Variants in PDE1A observed in about 807,000 individuals in gnomAD.
The protein encoded by PDE1A is phosphodiesterase 1A.
Under a neutral mutation model 61.7 loss-of-function variants are expected in PDE1A, and 35 were observed. That is an observed-to-expected ratio of 0.57 (90% CI 0.43 to 0.75). PDE1A has a LOEUF of 0.75. Ranked by LOEUF, PDE1A falls within the 30% of genes least tolerant of loss-of-function variation. The probability of loss-of-function intolerance (pLI) is 0.00; values close to 1 mark genes in which losing one functional copy is unlikely to be tolerated. For synonymous variants in PDE1A, 232 were observed against 213.2 expected, an observed-to-expected ratio of 1.09 and a Z score of -0.77; for missense variants, 597 against 630.6, an observed-to-expected ratio of 0.95 and a Z score of 0.57.
At chr2:182,210,027 A>G (rs1687451784) in intron 7 of PDE1A, among the ~76,000 whole-genome samples, 1 of 150,422 alleles carries the variant, frequency 6.6e-6, no homozygotes. Flanking sequence ...ACCACAGTTT[A>G]TTTATTCAGT....
At chr2:182,256,044 T>C (rs1463208891) in intron 2 of PDE1A, among the ~76,000 whole-genome samples, 2 of 150,122 alleles carry the variant, frequency 1.3e-5, no homozygotes, top group Non-Finnish European at 3.0e-5. Flanking sequence ...ACTTCTTTTT[T>C]TTTTTTTTTT....
chr2:182,202,625 CCAT>C (rs1257517657), intron 8 of PDE1A, among the ~76,000 whole-genome samples: 1 of 152,128 alleles, frequency 6.6e-6, no homozygotes, highest in Admixed American at 6.6e-5. Context: ...TGCCAAGCTT[CCAT>C]CATAAGAACC....
chr2:182,186,427 C>A, intron 12 of PDE1A, 41 bp downstream of exon 12: 1 of 1,599,226 alleles, frequency 6.3e-7, no homozygotes, highest in Non-Finnish European at 8.5e-7. Context: ...TTACTAAACA[C>A]CACAAAGATG....
chr2:182,279,648 A>G (rs926963885), intron 1 of PDE1A, among the ~76,000 whole-genome samples: 10 of 151,902 alleles, frequency 6.6e-5, no homozygotes, highest in South Asian at 2.1e-4. Flanking sequence ...CTTTTAAAAC[A>G]TCTTTATTGG....
At chr2:182,222,558 A>AATG in intron 7 of PDE1A, among the ~76,000 whole-genome samples, 1 of 152,146 alleles carries the variant, frequency 6.6e-6, no homozygotes, top group South Asian at 2.1e-4. Flanking sequence ...AGTTAATAAC[A>AATG]ATGTATCGAT....
At chr2:182,381,273 G>A (rs904140425) in intron 1 of PDE1A, among the ~76,000 whole-genome samples, 1 of 151,948 alleles carries the variant, frequency 6.6e-6, no homozygotes, top group Non-Finnish European at 1.5e-5. Context: ...ATACTGGGAG[G>A]AAGGGGAGCT....
At chr2:182,561,996 C>T in the PDE1A span, among the ~76,000 whole-genome samples, 2 of 151,934 alleles carry the variant, frequency 1.3e-5, no homozygotes, top group Admixed American at 1.3e-4. Flanking sequence ...ATCATGTCGT[C>T]TGCAAACAGG....
At chr2:182,273,071 T>C (rs1454983892) in intron 1 of PDE1A, among the ~76,000 whole-genome samples, 1 of 152,062 alleles carries the variant, frequency 6.6e-6, no homozygotes, top group Non-Finnish European at 1.5e-5. Context: ...CAAGAAAGAA[T>C]ACAGCATTTT....
chr2:182,161,277 C>T (rs759421593), intron 13 of PDE1A, among the ~76,000 whole-genome samples: 6 of 151,844 alleles, frequency 4.0e-5, no homozygotes, highest in African/African-American at 7.3e-5. Context: ...CAGCATCCAT[C>T]GGCTGAGTTA....
chr2:182,333,288 C>T (rs1160642006), intron 1 of PDE1A, among the ~76,000 whole-genome samples: 6 of 152,144 alleles, frequency 3.9e-5, no homozygotes, highest in African/African-American at 1.4e-4. Flanking sequence ...TTCTTCTCAG[C>T]ACCACATCAC....
chr2:182,665,985 A>T, the PDE1A span, among the ~76,000 whole-genome samples: 16 of 152,264 alleles, frequency 1.1e-4, no homozygotes, highest in African/African-American at 3.9e-4. Context: ...GAAACACCCC[A>T]TGTTCTCACT....
At chr2:182,142,861 C>T (rs192060083), downstream of PDE1A, 2 of 152,216 alleles carry the variant, frequency 1.3e-5, no homozygotes, top group Admixed American at 6.5e-5. Context: ...GCCAAAAACT[C>T]TGATAAAAAC....
intron 2 of PDE1A, among the ~76,000 whole-genome samples, chr2:182,460,284 T>G (rs1315788866): frequency 6.6e-6 from 1 of 152,134 alleles, no homozygotes; most frequent in Non-Finnish European, 1.5e-5. Context: ...CGGTGACAGG[T>G]GCACATTCAA....
the PDE1A span, among the ~76,000 whole-genome samples, chr2:182,548,206 G>A: frequency 6.6e-6 from 1 of 152,132 alleles, no homozygotes; most frequent in Non-Finnish European, 1.5e-5. Flanking sequence ...GCAGATCAGC[G>A]CCTAAAGAAA....
At chr2:182,196,754 C>T (rs557043800) in intron 10 of PDE1A, among the ~76,000 whole-genome samples, 2 of 151,002 alleles carry the variant, frequency 1.3e-5, no homozygotes, top group African/African-American at 2.4e-5. Context: ...TATCATTAGT[C>T]TATTTTTCAT....
the PDE1A span, among the ~76,000 whole-genome samples, chr2:182,609,827 G>C: frequency 1.3e-4 from 15 of 114,050 alleles, no homozygotes; most frequent in Middle Eastern, 4.4e-3. Context: ...AGTGGTTCAT[G>C]CCTGTAATCC....
chr2:182,666,303 A>T, the PDE1A span, among the ~76,000 whole-genome samples: 3 of 152,210 alleles, frequency 2.0e-5, no homozygotes, highest in African/African-American at 7.2e-5. Context: ...CGAATTAAAG[A>T]TTACTACATG....
chr2:182,273,447 A>T (rs989440505), intron 1 of PDE1A, among the ~76,000 whole-genome samples: 7 of 150,482 alleles, frequency 4.7e-5, no homozygotes, highest in African/African-American at 1.7e-4. Flanking sequence ...AGCCAAGGAT[A>T]AAAAAAAATA....
At chr2:182,167,990 CA>C in exon 14 of PDE1A, 1 of 1,208,676 alleles carries the variant, frequency 8.3e-7, no homozygotes, top group Non-Finnish European at 1.0e-6. Context: ...CACAAAATGC[CA>C]TTGAAACAGA....
Sources: allele counts gnomAD v4.1 joint callset (sites outside exome capture counted in the v4.1 genomes callset), GRCh38; gene constraint gnomAD v4.1.1; transcripts MANE v1.5; gene names NCBI Gene and HGNC (gene_info 2026-07-23, HGNC 2026-07-21).